Variants in MED26 observed in about 807,000 individuals in gnomAD.
MED26 encodes the protein mediator of RNA polymerase II transcription subunit 26.
In MED26, 7 loss-of-function variants were observed where a neutral mutation model predicts 43.7. The ratio of observed to expected loss-of-function variants is 0.16; its 90% CI spans 0.09 to 0.30. The LOEUF is 0.30. Among genes scored for constraint, MED26 ranks in the 10% least tolerant of loss-of-function variants. The probability of loss-of-function intolerance (pLI) is 1.00; values close to 1 mark genes in which losing one functional copy is unlikely to be tolerated. For missense variants in MED26, 784 were observed against 840.6 expected (o/e 0.93, Z 0.83); for synonymous variants, 375 against 371.1 (o/e 1.01, Z -0.12).
intron 1 of MED26, among the ~76,000 whole-genome samples, chr19:16,590,011 T>G (rs1323964877): frequency 6.6e-6 from 1 of 152,264 alleles, no homozygotes; most frequent in Non-Finnish European, 1.5e-5. Flanking sequence ...TGCACTGCAC[T>G]TCACTGCTCA....
In MED26 at chr19:16,627,951, G is replaced by T. The variant is rs1325309357; in HGVS notation, c.-8C>A. 1.4e-6 allele frequency: 2 copies of T among 1,460,620 alleles called. No individual in the cohort carries two copies. Among genetic ancestry groups the T allele is most frequent in the Middle Eastern group, 4.4e-4 (2 of 4,540 alleles). The allele number at this position is 1,460,620 out of a possible 1,614,324, so 90.5% of individuals were successfully genotyped here. A position where few individuals can be genotyped will look rare whatever the true frequency, so the allele number is the denominator to read the frequency against. On this transcript the variant is annotated 5_prime_UTR_variant, in exon 1 of 3. Coordinates refer to ENST00000263390, the MANE Select transcript of MED26 (RefSeq NM_004831.5). ...CGCCGGAGCCGCTGTCATTGCCTGG[G>T]CGAGGCGGGGGGTTGCGGCCGGGCC...
At chr19:16,602,088 G>A (rs1403999686) in intron 1 of MED26, among the ~76,000 whole-genome samples, 1 of 152,196 alleles carries the variant, frequency 6.6e-6, no homozygotes, top group Non-Finnish European at 1.5e-5. Context: ...CCAGGGAGCC[G>A]CCGTCAGCCT....
At chr19:16,604,093 G>A (rs575534225) in intron 1 of MED26, among the ~76,000 whole-genome samples, 131 of 152,398 alleles carry the variant, frequency 8.6e-4, no homozygotes, top group Admixed American at 8.2e-3. Context: ...CCAGTTCCAT[G>A]ATCATGAAGC....
At chr19:16,612,987 C>A (rs1193434037) in intron 1 of MED26, among the ~76,000 whole-genome samples, 1 of 151,942 alleles carries the variant, frequency 6.6e-6, no homozygotes, top group East Asian at 1.9e-4. Flanking sequence ...GGTGTAATAC[C>A]CCCTAGCTCC....
chr19:16,607,871 C>T (rs73516941), intron 1 of MED26, among the ~76,000 whole-genome samples: 196 of 152,356 alleles, frequency 1.3e-3, no homozygotes, highest in African/African-American at 4.6e-3. Context: ...ACCCTGCCTC[C>T]CCTTCAGGGC....
At chr19:16,610,968 A>G (rs1051648730) in intron 1 of MED26, 4 of 152,302 alleles carry the variant, frequency 2.6e-5, no homozygotes, top group African/African-American at 9.6e-5. Context: ...GAAGGGCCCA[A>G]GGCCTGTAGC....
chr19:16,608,644 T>C (rs58696093), intron 1 of MED26, among the ~76,000 whole-genome samples: 4,542 of 152,346 alleles, frequency 0.03, 169 homozygotes, highest in Admixed American at 0.084. Flanking sequence ...ATGCTGTTTA[T>C]TGAGGTAAAA....
At chr19:16,583,513 TG>T (rs1156651223) in intron 1 of MED26, among the ~76,000 whole-genome samples, 1 of 145,390 alleles carries the variant, frequency 6.9e-6, no homozygotes, top group Non-Finnish European at 1.5e-5. Flanking sequence ...TGGGTGGGGG[TG>T]GGGGGTGTCG....
chr19:16,616,950 G>A (rs1008449418), intron 1 of MED26, among the ~76,000 whole-genome samples: 4 of 152,120 alleles, frequency 2.6e-5, no homozygotes, highest in East Asian at 3.9e-4. Flanking sequence ...ACAACCTGGC[G>A]TGACAAACAC....
intron 1 of MED26, among the ~76,000 whole-genome samples, chr19:16,590,398 T>C (rs2086090362): frequency 6.6e-6 from 1 of 152,230 alleles, no homozygotes; most frequent in South Asian, 2.1e-4. Flanking sequence ...CAGGACACTT[T>C]AGGATGAGGC....
intron 1 of MED26, among the ~76,000 whole-genome samples, chr19:16,600,268 G>C (rs534269709): frequency 8.0e-4 from 121 of 152,052 alleles, no homozygotes; most frequent in South Asian, 1.5e-3. Flanking sequence ...CCCTGGAATT[G>C]TGCCAGGCTG....
chr19:16,603,415 C>T (rs1339531043), intron 1 of MED26, among the ~76,000 whole-genome samples: 1 of 152,100 alleles, frequency 6.6e-6, no homozygotes, highest in Non-Finnish European at 1.5e-5. Context: ...GAAACCATCA[C>T]CTCTAGGGCC....
chr19:16,611,035 C>T (rs1301127448), intron 1 of MED26: 1 of 152,226 alleles, frequency 6.6e-6, no homozygotes, highest in Non-Finnish European at 1.5e-5. Flanking sequence ...TGATGGAAAA[C>T]CACTGAAGGA....
At position 16,576,380 on chromosome 19, in the gene MED26, C is replaced by G; in HGVS notation, c.1450G>C (p.Glu484Gln). Residue 484 changes from glutamate to glutamine, a missense_variant, in exon 3 of 3, where the codon GAG (glutamate) becomes CAG (glutamine). Around this residue, in one of 3 missense-constraint regions of MED26, gnomAD observed 719 missense variants for 730.9 expected, o/e 0.98. Coordinates refer to ENST00000263390, the MANE Select transcript of MED26 (RefSeq NM_004831.5). The surrounding 1 kb of genome is among the most constrained non-coding windows in gnomAD (Gnocchi z 6.8). ...QTNWKELSRN[E>Q]IIQSYLSRQS... is the part of the protein sequence containing the mutation. ...CGGCTCAGGTAGGACTGGATGATCTCGTTGCGTGACAGCTCCTTCCAGTTC... is the reference window on the plus strand; with the variant it reads ...CGGCTCAGGTAGGACTGGATGATCTGGTTGCGTGACAGCTCCTTCCAGTTC... 1.2e-6 allele frequency: 2 copies of G among 1,614,146 alleles called. No homozygotes were observed. The highest frequency in any genetic ancestry group is 1.7e-6 in the Non-Finnish European group (2 of 1,180,036).
At chr19:16,607,359 T>C (rs1282381614) in intron 1 of MED26, among the ~76,000 whole-genome samples, 1 of 143,016 alleles carries the variant, frequency 7.0e-6, no homozygotes, top group African/African-American at 2.6e-5. Flanking sequence ...TGACAGAGAC[T>C]ATCTCCTTTT....
chr19:16,585,678 A>G (rs2086067244), intron 1 of MED26, among the ~76,000 whole-genome samples: 1 of 152,076 alleles, frequency 6.6e-6, no homozygotes, highest in Non-Finnish European at 1.5e-5. Flanking sequence ...GCCCTGTGAA[A>G]CCCAGTGACA....
chr19:16,596,088 G>GC (rs766416434), intron 1 of MED26, among the ~76,000 whole-genome samples: 32 of 152,158 alleles, frequency 2.1e-4, no homozygotes, highest in Non-Finnish European at 4.4e-4. Flanking sequence ...GTGGCTCACT[G>GC]CAGCTTCGAC....
chr19:16,607,508 C>T lies in MED26; in HGVS notation c.72+20364G>A, dbSNP rs527424706. ...GGCAACAGACAAGACCATAGCCACA[C>T]TAAAAGCCATGAAGAAAATAAACAG... On this transcript the variant is annotated intron_variant, in intron 1 of 2. Coordinates refer to ENST00000263390, the MANE Select transcript of MED26 (RefSeq NM_004831.5). 8.5e-5 allele frequency among the ~76,000 whole-genome samples: 13 copies of T among 152,204 alleles called. 1 individual carries two copies. The South Asian group carries it at 2.5e-3, about 29-fold the overall frequency.
At chr19:16,609,581 G>A (rs1031592926) in intron 1 of MED26, among the ~76,000 whole-genome samples, 5 of 151,560 alleles carry the variant, frequency 3.3e-5, no homozygotes, top group Non-Finnish European at 7.4e-5. Flanking sequence ...TTTTTCCTGA[G>A]AGCTGGTTGT....
Sources: allele counts gnomAD v4.1 joint callset (sites outside exome capture counted in the v4.1 genomes callset), GRCh38; gene constraint gnomAD v4.1.1; regional missense constraint gnomAD v4.1.1; non-coding constraint Gnocchi (gnomAD v3.1); transcripts MANE v1.5; gene names NCBI Gene and HGNC (gene_info 2026-07-23, HGNC 2026-07-21).